The following PBK variants were observed in gnomAD, a reference collection of about 807,000 sequenced individuals.
PBK encodes the protein lymphokine-activated killer T-cell-originated protein kinase.
In PBK, 22 loss-of-function variants were observed where a neutral mutation model predicts 33.5. The ratio of observed to expected loss-of-function variants is 0.66; its 90% CI spans 0.47 to 0.94. PBK has a LOEUF of 0.94. PBK is among the 40% of genes least tolerant of loss of function. The pLI, the probability that PBK is intolerant of heterozygous loss-of-function variation, is 0.00. For synonymous variants in PBK, 129 were observed against 123.8 expected, an observed-to-expected ratio of 1.04 and a Z score of -0.28; for missense variants, 376 against 383.4, an observed-to-expected ratio of 0.98 and a Z score of 0.16.
At chr8:27,814,396 G>A (rs1340391753) in intron 6 of PBK, among the ~76,000 whole-genome samples, 1 of 151,948 alleles carries the variant, frequency 6.6e-6, no homozygotes, top group African/African-American at 2.4e-5. Context: ...CATTCCTGTT[G>A]TTGGTGACTT....
At position 27,810,327 on chromosome 8, in the gene PBK, T is replaced by G. The variant is rs1563486315; in HGVS notation, c.947A>C (p.Glu316Ala). Residue 316 changes from glutamate to alanine, a missense_variant, in exon 8 of 8, where the codon GAA (glutamate) becomes GCA (alanine). Glu to Ala is a moderately radical substitution (Grantham distance 107). Coordinates refer to ENST00000301905, the MANE Select transcript of PBK (RefSeq NM_018492.4). Reference sequence around the variant, plus strand: ...TCACTAGACATCTGTTTCCAGAGCTTCAACAATGTGTGCAGCAGAAGGACG... The same window carrying G: ...TCACTAGACATCTGTTTCCAGAGCTGCAACAATGTGTGCAGCAGAAGGACG... The part of the protein sequence containing the change: ...KDRPSAAHIV[E>A]ALETDV 6.2e-7 allele frequency: 1 copy of G among 1,612,128 alleles called. No homozygotes were observed. The highest frequency in any genetic ancestry group is 8.5e-7 in the Non-Finnish European group (1 of 1,178,292).
At chr8:27,836,909 GCA>G (rs1470264746) in intron 1 of PBK, among the ~76,000 whole-genome samples, 3 of 152,146 alleles carry the variant, frequency 2.0e-5, no homozygotes, top group African/African-American at 7.2e-5. Context: ...TTTCCAGACT[GCA>G]CACTCAGGTT....
intron 2 of PBK, among the ~76,000 whole-genome samples, chr8:27,829,647 C>CT (rs1426323786): frequency 6.6e-6 from 1 of 151,872 alleles, no homozygotes; most frequent in Non-Finnish European, 1.5e-5. Context: ...GCAGGCAGAT[C>CT]ACTAGGTCAG....
intron 4 of PBK, among the ~76,000 whole-genome samples, chr8:27,822,787 T>G (rs1218974406): frequency 6.6e-6 from 1 of 152,206 alleles, no homozygotes; most frequent in Non-Finnish European, 1.5e-5. Flanking sequence ...TAAATGGATT[T>G]AAATTATCTA....
chr8:27,814,930 A>G (rs1215976389), intron 6 of PBK, among the ~76,000 whole-genome samples: 3 of 152,190 alleles, frequency 2.0e-5, no homozygotes, highest in Non-Finnish European at 4.4e-5. Context: ...TCAAACTCTT[A>G]CAGACAGAAT....
At position 27,829,763 on chromosome 8, in the gene PBK, A is replaced by G. The variant is rs1042070409; in HGVS notation, c.59-1565T>C. On this transcript the variant is annotated intron_variant, in intron 2 of 7. Coordinates refer to ENST00000301905, the MANE Select transcript of PBK (RefSeq NM_018492.4). ...GTGCCTGTAATCCCAGCTACTCGGG[A>G]GGCTGAGGCAGGAGAATGGCGTGAA... is the stretch of plus-strand genomic sequence containing the variant. Among the ~76,000 whole-genome samples, 7 of 151,990 alleles carry G rather than the reference A, an allele frequency of 4.6e-5. No individual in the cohort carries two copies. In the South Asian group the frequency reaches 8.3e-4, roughly 18 times the overall value.
chr8:27,822,108 A>G (rs1381830245), intron 5 of PBK, among the ~76,000 whole-genome samples: 1 of 152,148 alleles, frequency 6.6e-6, no homozygotes, highest in Non-Finnish European at 1.5e-5. Flanking sequence ...GAAACTGCCA[A>G]ATGACACATT....
chr8:27,822,980 G>T, intron 4 of PBK, 83 bp downstream of exon 4: 1 of 840,728 alleles, frequency 1.2e-6, no homozygotes, highest in East Asian at 2.6e-5. Context: ...ATTTCTATTA[G>T]TGAAACCAGT....
Position 27,810,574 on chromosome 8 carries a change from TCTC to T in PBK, c.773-76_773-74del, listed in dbSNP as rs368911370. On this transcript the variant is annotated intron_variant, in intron 7 of 7. Coordinates refer to ENST00000301905, the MANE Select transcript of PBK (RefSeq NM_018492.4). ...ATGGAAAAGTTTAATAGCTCACCCT[TCTC>T]CTGAAACAAGAATTTATGGTCCAGT... 2.2e-3 allele frequency: 1,808 copies of T among 817,722 alleles called. 2 individuals carry two copies. The highest frequency in any genetic ancestry group is 3.1e-3 in the Non-Finnish European group (1,552 of 508,638). The allele number at this position is 817,722 out of a possible 1,614,324, so 50.7% of individuals were successfully genotyped here. A position where few individuals can be genotyped will look rare whatever the true frequency, so the allele number is the denominator to read the frequency against.
chr8:27,810,572 CT>C lies in PBK; in HGVS notation c.773-72del, dbSNP rs1805657959. ...TCATGGAAAAGTTTAATAGCTCACC[CT>C]TCTCCTGAAACAAGAATTTATGGTC... is the stretch of plus-strand genomic sequence containing the variant. On this transcript the variant is annotated intron_variant, in intron 7 of 7. Coordinates refer to ENST00000301905, the MANE Select transcript of PBK (RefSeq NM_018492.4). 20 of 838,960 alleles carry C rather than the reference CT, an allele frequency of 2.4e-5. No homozygotes were observed. In the South Asian group the frequency reaches 3.2e-4, roughly 14 times the overall value. 52.0% of individuals were successfully genotyped at this position (838,960 alleles called of 1,614,324 possible).
chr8:27,833,308 G>A (rs773626916), intron 1 of PBK, among the ~76,000 whole-genome samples, 175 bp from the exon 2 acceptor site: 3 of 152,044 alleles, frequency 2.0e-5, no homozygotes, highest in South Asian at 2.1e-4. Flanking sequence ...TCGGGAGTTC[G>A]AGACCAGCCC....
intron 1 of PBK, among the ~76,000 whole-genome samples, chr8:27,835,780 C>G (rs555938707): frequency 4.6e-5 from 7 of 152,280 alleles, no homozygotes; most frequent in African/African-American, 1.4e-4. Flanking sequence ...CAAACGTGAC[C>G]TTAGGTGATC....
intron 1 of PBK, among the ~76,000 whole-genome samples, chr8:27,834,091 G>A (rs1424238173): frequency 6.7e-6 from 1 of 149,178 alleles, no homozygotes; most frequent in African/African-American, 2.5e-5. Context: ...GCAGTGGCAT[G>A]ATCTCGACTC....
chr8:27,816,359 T>TATATATATATATATATATATATATCTA (rs1563489324), intron 6 of PBK, among the ~76,000 whole-genome samples: 1 of 126,722 alleles, frequency 7.9e-6, no homozygotes, highest in African/African-American at 3.2e-5. Context: ...ATATATATAT[T>TATATATATATATATATATATATATCTA]TATTTATTTA....
chr8:27,834,016 T>C (rs191623540), intron 1 of PBK, among the ~76,000 whole-genome samples: 21 of 149,736 alleles, frequency 1.4e-4, no homozygotes, highest in African/African-American at 4.7e-4. Context: ...AAAGGCTACA[T>C]ATATGATGAT....
At position 27,823,200 on chromosome 8, in the gene PBK, G is replaced by A. The variant is rs756909961; in HGVS notation, c.158C>T (p.Pro53Leu). The change falls in exon 4 of 8, where the codon CCA becomes CTA. Residue 53 changes from proline (P) to leucine (L), a missense_variant. Transcript: ENST00000301905. ...GVNVYLMKRS[P>L]RGLSHSPWAV... ...CCAAGGAGAATGAGACAAACCTCTT[G>A]GAGATCTAAGAAAAAAATTCATTTA... 11 of 1,489,798 alleles carry A rather than the reference G, an allele frequency of 7.4e-6. No individual in the cohort carries two copies. The highest frequency in any genetic ancestry group is 2.1e-5 in the Admixed American group (1 of 47,692). 92.3% of individuals were successfully genotyped at this position (1,489,798 alleles called of 1,614,324 possible).
In PBK at chr8:27,810,536, AT is replaced by A. The variant is rs770302135; in HGVS notation, c.773-36del. 3 of 1,337,918 alleles carry A rather than the reference AT, an allele frequency of 2.2e-6. No homozygotes were observed. The South Asian group carries it at 3.6e-5, about 16-fold the overall frequency. The allele number at this position is 1,337,918 out of a possible 1,614,324, so 82.9% of individuals were successfully genotyped here. A position where few individuals can be genotyped will look rare whatever the true frequency, so the allele number is the denominator to read the frequency against. On this transcript the variant is annotated intron_variant, in intron 7 of 7. Transcript: ENST00000301905. ...GTTAGAGATTGAAACAATAAACAAA[AT>A]CACTTTATGTCATGGAAAAGTTTAA...
At chr8:27,816,343 C>A (rs1805809533) in intron 6 of PBK, among the ~76,000 whole-genome samples, 8 of 136,380 alleles carry the variant, frequency 5.9e-5, no homozygotes, top group African/African-American at 5.8e-5. Context: ...TCATCGAATA[C>A]TATATATATA....
At chr8:27,816,396 T>C (rs1805815954) in intron 6 of PBK, among the ~76,000 whole-genome samples, 2 of 150,330 alleles carry the variant, frequency 1.3e-5, no homozygotes, top group Admixed American at 1.3e-4. Flanking sequence ...TATTTTTTTT[T>C]GAGATGGAAT....
Sources: gnomAD v4.1 joint callset for allele counts (sites outside exome capture counted in the v4.1 genomes callset) on GRCh38, gnomAD v4.1.1 for gene constraint, MANE v1.5 for transcripts, NCBI Gene and HGNC (gene_info 2026-07-23, HGNC 2026-07-21) for gene names.